Variants in SLMAP observed in about 807,000 individuals in gnomAD.
SLMAP encodes sarcolemma associated protein.
Under a neutral mutation model 128.8 loss-of-function variants are expected in SLMAP, and 44 were observed. The observed-to-expected ratio is 0.34, with a 90% CI of 0.27 to 0.44. The LOEUF is 0.44. Ranked by LOEUF, SLMAP falls within the 20% of genes least tolerant of loss-of-function variation. SLMAP has a pLI of 1.00. For synonymous variants in SLMAP, 327 were observed against 348.8 expected, an observed-to-expected ratio of 0.94 and a Z score of 0.70; for missense variants, 787 against 985.3, an observed-to-expected ratio of 0.80 and a Z score of 2.69.
chr3:57,801,818 GTTGGCACAACAGGTTGTGCCAA>G (rs2088499099), intron 2 of SLMAP, among the ~76,000 whole-genome samples: 1 of 151,916 alleles, frequency 6.6e-6, no homozygotes, highest in Admixed American at 6.5e-5. Context: ...GTTTGTGCCA[GTTGGCACAACAGGTTGTGCCAA>G]TTTGCATTCT....
intron 2 of SLMAP, among the ~76,000 whole-genome samples, chr3:57,773,639 A>G (rs1241616991): frequency 1.3e-5 from 2 of 152,190 alleles, no homozygotes; most frequent in African/African-American, 4.8e-5. Flanking sequence ...CCCAATAACT[A>G]AACTAGTATG....
intron 2 of SLMAP, among the ~76,000 whole-genome samples, chr3:57,787,928 G>A (rs1387974738): frequency 6.6e-6 from 1 of 152,194 alleles, no homozygotes; most frequent in Non-Finnish European, 1.5e-5. Flanking sequence ...GCCAAGAGAG[G>A]TACTAGTCAA....
intron 2 of SLMAP, among the ~76,000 whole-genome samples, chr3:57,782,122 G>A (rs958787957): frequency 6.6e-6 from 1 of 152,064 alleles, no homozygotes; most frequent in East Asian, 1.9e-4. Context: ...TTGGATATAG[G>A]ATATTTCCAT....
intron 2 of SLMAP, among the ~76,000 whole-genome samples, chr3:57,812,207 C>G (rs1407918478): frequency 6.6e-6 from 1 of 152,082 alleles, no homozygotes; most frequent in Non-Finnish European, 1.5e-5. Context: ...ACTTTCAGGT[C>G]TTACATTTAG....
chr3:57,764,883 G>C (rs2079368137), intron 2 of SLMAP, among the ~76,000 whole-genome samples: 1 of 152,212 alleles, frequency 6.6e-6, no homozygotes, highest in South Asian at 2.1e-4. Flanking sequence ...CAGTAGGAAT[G>C]AAAATGATTA....
At chr3:57,872,159 A>G (rs1380611597) in intron 14 of SLMAP, among the ~76,000 whole-genome samples, 1 of 152,206 alleles carries the variant, frequency 6.6e-6, no homozygotes, top group Non-Finnish European at 1.5e-5. Context: ...TAAAGAGGCC[A>G]GGCGTGGTGG....
intron 14 of SLMAP, among the ~76,000 whole-genome samples, chr3:57,881,614 T>C (rs2095746730): frequency 1.3e-5 from 2 of 152,026 alleles, no homozygotes; most frequent in Admixed American, 1.3e-4. Flanking sequence ...CGTGCCACTA[T>C]GCCCGGCTAA....
chr3:57,881,976 C>G (rs1376434828), intron 14 of SLMAP, among the ~76,000 whole-genome samples: 2 of 152,002 alleles, frequency 1.3e-5, no homozygotes, highest in Non-Finnish European at 2.9e-5. Flanking sequence ...CACAGTACTC[C>G]AGCCTGGTCA....
intron 10 of SLMAP, among the ~76,000 whole-genome samples, chr3:57,862,420 A>C (rs1390787863): frequency 6.6e-6 from 1 of 152,044 alleles, no homozygotes; most frequent in Admixed American, 6.6e-5. Context: ...CGGGCAGATC[A>C]TGAGGTCAAG....
At chr3:57,854,233 A>G (rs1024390159) in intron 6 of SLMAP, among the ~76,000 whole-genome samples, 4 of 151,342 alleles carry the variant, frequency 2.6e-5, no homozygotes, top group African/African-American at 9.7e-5. Flanking sequence ...GCTAAGTGTT[A>G]TATAGTCAGA....
intron 2 of SLMAP, among the ~76,000 whole-genome samples, chr3:57,769,233 C>A (rs1482792380): frequency 6.6e-6 from 1 of 151,764 alleles, no homozygotes; most frequent in Non-Finnish European, 1.5e-5. Flanking sequence ...TGCTCTGTTG[C>A]CCAGGCTGGA....
chr3:57,901,412 G>A (rs1471320065), intron 17 of SLMAP: 1 of 152,184 alleles, frequency 6.6e-6, no homozygotes, highest in Non-Finnish European at 1.5e-5. Context: ...TGTTTCAGAG[G>A]ATAGAGAAGA....
chr3:57,849,460 A>G (rs1428783970), intron 5 of SLMAP, among the ~76,000 whole-genome samples: 2 of 152,190 alleles, frequency 1.3e-5, no homozygotes, highest in African/African-American at 2.4e-5. Flanking sequence ...GAAGATGGCT[A>G]CTTCTAAATG....
At chr3:57,805,690 A>G (rs181332764) in intron 2 of SLMAP, among the ~76,000 whole-genome samples, 5 of 152,256 alleles carry the variant, frequency 3.3e-5, no homozygotes, top group African/African-American at 1.2e-4. Flanking sequence ...CCTAAACCCT[A>G]TAGTCGCAAG....
At chr3:57,831,284 TGCAATAGTTG>T in intron 2 of SLMAP, 89 bp from the exon 3 acceptor site, 1 of 788,298 alleles carries the variant, frequency 1.3e-6, no homozygotes, top group Non-Finnish European at 1.8e-6. Context: ...AAAATTCACT[TGCAATAGTTG>T]GCAAAGCTGG....
chr3:57,799,440 T>G (rs567208723), intron 2 of SLMAP, among the ~76,000 whole-genome samples: 11 of 152,362 alleles, frequency 7.2e-5, no homozygotes, highest in African/African-American at 2.6e-4. Flanking sequence ...TGTAACTCAG[T>G]GCCTCCAAAT....
rs188325631 is a variant in SLMAP at position 57,840,384 on chromosome 3, T to C, written c.347-915T>C. Among the ~76,000 whole-genome samples the C allele has an allele frequency of 3.6e-4, 55 of 152,362 alleles. No individual in the cohort carries two copies. The East Asian group carries it at 8.5e-3, about 23-fold the overall frequency. ...ATAACCACCACTCCCCTAATCATGA[T>C]GTAGTGTATTCTCATCAGCCTGCAT... On this transcript the variant is annotated intron_variant, in intron 3 of 24. Transcript: ENST00000671191.
rs759267993 is a variant in SLMAP at position 57,896,581 on chromosome 3, C to G, written c.1431C>G (p.Asp477Glu). ...TLSPSKEKSS[D>E]DTTDAQMDEQ... ...GTCCAAGCAAGGAAAAAAGCAGTGA[C>G]GACACTACAGGTGAGTTTTAACCTA... Residue 477 changes from aspartate (D) to glutamate (E), a missense_variant, in exon 16 of 25, where the codon GAC becomes GAG. Physicochemically the swap from Asp to Glu is conservative, Grantham distance 45. Coordinates refer to ENST00000671191, the MANE Select transcript of SLMAP (RefSeq NM_001377540.1). 13 of 1,608,626 alleles carry G rather than the reference C, an allele frequency of 8.1e-6. No individual in the cohort carries two copies. Among genetic ancestry groups the G allele is most frequent in the East Asian group, 2.2e-5 (1 of 44,736 alleles).
At chr3:57,824,947 T>C (rs1256043473) in intron 2 of SLMAP, among the ~76,000 whole-genome samples, 1 of 152,228 alleles carries the variant, frequency 6.6e-6, no homozygotes, top group Non-Finnish European at 1.5e-5. Flanking sequence ...TATTTTACAG[T>C]TTTTAAATGT....
Sources: gnomAD v4.1 joint callset for allele counts (sites outside exome capture counted in the v4.1 genomes callset) on GRCh38, gnomAD v4.1.1 for gene constraint, MANE v1.5 for transcripts, NCBI Gene and HGNC (gene_info 2026-07-23, HGNC 2026-07-21) for gene names.